LSAMP: variants seen among roughly 807,000 people sequenced by gnomAD.
LSAMP encodes limbic system-associated membrane protein.
In LSAMP, 7 loss-of-function variants were observed where a neutral mutation model predicts 38.6. The observed-to-expected ratio is 0.18, with a 90% CI of 0.10 to 0.34. LSAMP has a LOEUF of 0.34. Ranked by LOEUF, LSAMP falls within the 10% of genes least tolerant of loss-of-function variation. LSAMP has a pLI of 1.00. For synonymous variants in LSAMP, 154 were observed against 166.8 expected (o/e 0.92, Z 0.59); for missense variants, 313 against 420.0 (o/e 0.75, Z 2.23).
chr3:115,954,027 A>AT lies in LSAMP; in HGVS notation c.514+65487dup, dbSNP rs537870571. ...TTCTTATAACATCCTAGTAATTTTA[A>AT]TTTTTTTCTGTCACATATGATGATC... On this transcript the variant is annotated intron_variant, in intron 3 of 6. Coordinates refer to ENST00000490035, the MANE Select transcript of LSAMP (RefSeq NM_002338.5). Among the ~76,000 whole-genome samples, 234 of 151,596 alleles carry AT rather than the reference A, an allele frequency of 1.5e-3. 2 individuals carry two copies. Among genetic ancestry groups the AT allele is most frequent in the African/African-American group, 5.5e-3 (227 of 41,330 alleles).
chr3:116,345,690 ATTTG>A (rs915291829), intron 1 of LSAMP, among the ~76,000 whole-genome samples: 1 of 152,000 alleles, frequency 6.6e-6, no homozygotes, highest in Non-Finnish European at 1.5e-5. Flanking sequence ...TTTGGGTTTT[ATTTG>A]TTTGTTTATA....
At chr3:115,878,089 T>A (rs966660944) in intron 3 of LSAMP, among the ~76,000 whole-genome samples, 5 of 151,960 alleles carry the variant, frequency 3.3e-5, no homozygotes, top group African/African-American at 9.7e-5. Context: ...AGTGTGGGAG[T>A]ACCAATGCTG....
chr3:116,122,292 A>G (rs1015512559), intron 1 of LSAMP, among the ~76,000 whole-genome samples: 4 of 152,190 alleles, frequency 2.6e-5, no homozygotes, highest in African/African-American at 4.8e-5. Context: ...ACATGGAAAC[A>G]CACACACAAA....
chr3:115,871,566 A>C (rs1039721278), intron 3 of LSAMP, among the ~76,000 whole-genome samples: 2 of 151,104 alleles, frequency 1.3e-5, no homozygotes, highest in Non-Finnish European at 3.0e-5. Flanking sequence ...AAGCTACCTA[A>C]AGAAAACCAA....
chr3:116,327,367 C>T (rs2047787567), intron 1 of LSAMP, among the ~76,000 whole-genome samples: 1 of 152,092 alleles, frequency 6.6e-6, no homozygotes, highest in African/African-American at 2.4e-5. Context: ...TTATGCTATA[C>T]CTTAGTTCAT....
At chr3:116,235,334 T>G (rs957737628) in intron 1 of LSAMP, among the ~76,000 whole-genome samples, 3 of 152,090 alleles carry the variant, frequency 2.0e-5, no homozygotes, top group African/African-American at 7.2e-5. Flanking sequence ...TAGACTGGTC[T>G]TGAACTGCTG....
intron 3 of LSAMP, among the ~76,000 whole-genome samples, chr3:115,920,658 G>A (rs1372802846): frequency 1.3e-5 from 2 of 152,058 alleles, no homozygotes; most frequent in East Asian, 3.9e-4. Context: ...AAAAGAATGT[G>A]TATTCTGTTG....
At chr3:116,333,741 C>G (rs1315371888) in intron 1 of LSAMP, among the ~76,000 whole-genome samples, 3 of 151,558 alleles carry the variant, frequency 2.0e-5, no homozygotes, top group African/African-American at 7.3e-5. Flanking sequence ...TACAATACAT[C>G]AAAACATATG....
chr3:116,055,985 T>G (rs1393076119), intron 2 of LSAMP, among the ~76,000 whole-genome samples: 1 of 152,092 alleles, frequency 6.6e-6, no homozygotes, highest in Non-Finnish European at 1.5e-5. Context: ...CCAGCTCTTC[T>G]GATTCACACG....
intron 3 of LSAMP, among the ~76,000 whole-genome samples, chr3:115,950,507 A>G (rs1436737001): frequency 6.6e-6 from 1 of 152,168 alleles, no homozygotes; most frequent in East Asian, 1.9e-4. Context: ...CAAAAAAATA[A>G]ATAAATTGCT....
At chr3:116,090,370 T>C (rs1372374320) in intron 1 of LSAMP, among the ~76,000 whole-genome samples, 1 of 152,162 alleles carries the variant, frequency 6.6e-6, no homozygotes, top group African/African-American at 2.4e-5. Context: ...CTGATATAAA[T>C]ACAGACCCAG....
intron 3 of LSAMP, among the ~76,000 whole-genome samples, chr3:115,988,607 C>A (rs1037998237): frequency 1.3e-5 from 2 of 151,910 alleles, no homozygotes. Context: ...TTAGAGAGTG[C>A]CTTGATAATA....
At chr3:116,301,026 T>A (rs541388447) in intron 1 of LSAMP, among the ~76,000 whole-genome samples, 3 of 152,150 alleles carry the variant, frequency 2.0e-5, no homozygotes, top group African/African-American at 7.2e-5. Context: ...TATTGTACCT[T>A]AAAATGAAAA....
rs1330712900 is a variant in LSAMP, at chr3:116,204,326, G to A, written c.156-117770C>T. 1.2e-4 allele frequency among the ~76,000 whole-genome samples: 18 copies of A among 151,772 alleles called. 1 individual carries two copies. The highest frequency in any genetic ancestry group is 6.8e-3 in the Middle Eastern group (2 of 294). ...GCCCTTTGTCAGATGAGTAGGTTGC[G>A]AAAACTTTCTCCCATTTTGTAGGTT... On this transcript the variant is annotated intron_variant, in intron 1 of 6. Transcript: ENST00000490035.
intron 1 of LSAMP, among the ~76,000 whole-genome samples, chr3:116,189,391 G>A (rs1477623359): frequency 3.3e-5 from 5 of 152,166 alleles, no homozygotes; most frequent in Non-Finnish European, 5.9e-5. Context: ...TTTACACCAA[G>A]GAAATTGGCA....
intron 3 of LSAMP, among the ~76,000 whole-genome samples, chr3:115,892,270 GT>G (rs1358800073): frequency 2.0e-5 from 3 of 151,826 alleles, no homozygotes; most frequent in African/African-American, 7.3e-5. Flanking sequence ...ACAGAAACAG[GT>G]TCATATGTTC....
At chr3:116,094,738 A>T (rs542176765) in intron 1 of LSAMP, among the ~76,000 whole-genome samples, 1 of 152,112 alleles carries the variant, frequency 6.6e-6, no homozygotes, top group Non-Finnish European at 1.5e-5. Flanking sequence ...AAAAACAAAC[A>T]GTTTAGATCC....
chr3:116,223,542 T>C (rs1036660411), intron 1 of LSAMP, among the ~76,000 whole-genome samples: 10 of 152,176 alleles, frequency 6.6e-5, no homozygotes, highest in Admixed American at 2.0e-4. Context: ...GAGACTATCA[T>C]TTTAAGTAGA....
intron 3 of LSAMP, among the ~76,000 whole-genome samples, chr3:115,861,805 G>T (rs1242079917): frequency 6.6e-6 from 1 of 152,052 alleles, no homozygotes; most frequent in Non-Finnish European, 1.5e-5. Context: ...GAAATATGGG[G>T]TTGGTAAGAG....
Sources: allele counts gnomAD v4.1 joint callset (sites outside exome capture counted in the v4.1 genomes callset), GRCh38; gene constraint gnomAD v4.1.1; transcripts MANE v1.5; gene names NCBI Gene and HGNC (gene_info 2026-07-23, HGNC 2026-07-21).